SESN3: variants seen among roughly 807,000 people sequenced by gnomAD.
SESN3 encodes the protein sestrin 3.
Under a neutral mutation model 55.3 loss-of-function variants are expected in SESN3, and 21 were observed. That is an observed-to-expected ratio of 0.38 (90% CI 0.27 to 0.55). SESN3 has a LOEUF of 0.55. SESN3 is among the 20% of genes least tolerant of loss of function. The pLI is 0.76. For missense variants in SESN3, 408 were observed against 604.3 expected (o/e 0.68, Z 3.41); for synonymous variants, 181 against 203.1 (o/e 0.89, Z 0.93).
chr11:95,216,443 AC>A (rs982365096), intron 1 of SESN3, among the ~76,000 whole-genome samples: 6 of 152,252 alleles, frequency 3.9e-5, no homozygotes, highest in Non-Finnish European at 8.8e-5. Flanking sequence ...TGCAAAATTT[AC>A]TAAATATACA....
chr11:95,174,180 A>G (rs1349755464), intron 9 of SESN3, among the ~76,000 whole-genome samples: 1 of 152,218 alleles, frequency 6.6e-6, no homozygotes, highest in Non-Finnish European at 1.5e-5. Context: ...TACTGAAGCC[A>G]TAACATTCTC....
At chr11:95,211,603 C>A (rs879047749) in intron 1 of SESN3, among the ~76,000 whole-genome samples, 4 of 150,480 alleles carry the variant, frequency 2.7e-5, no homozygotes, top group Non-Finnish European at 4.4e-5. Flanking sequence ...CCATCTCTAC[C>A]AAAAAAAAAT....
At chr11:95,225,870 T>C (rs1421227204) in intron 1 of SESN3, among the ~76,000 whole-genome samples, 1 of 152,188 alleles carries the variant, frequency 6.6e-6, no homozygotes, top group East Asian at 1.9e-4. Flanking sequence ...CAATTTTCCT[T>C]AACTCTTAGT....
At chr11:95,223,444 C>T (rs1860895235) in intron 1 of SESN3, among the ~76,000 whole-genome samples, 1 of 152,174 alleles carries the variant, frequency 6.6e-6, no homozygotes, top group Admixed American at 6.5e-5. Context: ...TTTGACCTTT[C>T]TTCAGCTGTT....
chr11:95,185,306 C>T lies in SESN3; in HGVS notation c.712G>A (p.Ala238Thr). The part of the protein sequence containing the change: ...SVNNFCVCDL[A>T]NDNNIENASL... ...GCATTCTCTATGTTGTTGTCATTAGCAAGATCACAAACGCAGAAATTGTTG... is the reference window on the plus strand; with the variant it reads ...GCATTCTCTATGTTGTTGTCATTAGTAAGATCACAAACGCAGAAATTGTTG... The change falls in exon 5 of 10, where the codon GCT becomes ACT. Residue 238 changes from alanine (A) to threonine (T), a missense_variant. Physicochemically the swap from Ala to Thr is moderately conservative, Grantham distance 58. Transcript: ENST00000536441. 6.2e-7 allele frequency: 1 copy of T among 1,613,042 alleles called. No homozygotes were observed. The highest frequency in any genetic ancestry group is 1.1e-5 in the South Asian group (1 of 91,038).
intron 8 of SESN3, among the ~76,000 whole-genome samples, chr11:95,177,360 A>T (rs1349357553): frequency 6.6e-6 from 1 of 152,200 alleles, no homozygotes; most frequent in Non-Finnish European, 1.5e-5. Flanking sequence ...CAAACTAACT[A>T]AACAAACCAG....
Position 95,171,916 on chromosome 11 carries a change from C to T in SESN3, c.*1339G>A, listed in dbSNP as rs931567018. ...CAATGCAAAAATGTGACTTTTTGGCCGCTTATTCCTCCCCTATGACTTAAT... is the reference window on the plus strand; with the variant it reads ...CAATGCAAAAATGTGACTTTTTGGCTGCTTATTCCTCCCCTATGACTTAAT... On this transcript the variant is annotated 3_prime_UTR_variant, in exon 10 of 10. Transcript: ENST00000536441. 6 of 152,038 alleles carry T rather than the reference C, an allele frequency of 3.9e-5. No individual in the cohort carries two copies. Among genetic ancestry groups the T allele is most frequent in the African/African-American group, 9.7e-5 (4 of 41,402 alleles). The allele number at this position is 152,038 out of a possible 1,614,324, so 9.4% of individuals were successfully genotyped here. A position where few individuals can be genotyped will look rare whatever the true frequency, so the allele number is the denominator to read the frequency against.
intron 1 of SESN3, among the ~76,000 whole-genome samples, chr11:95,204,312 A>C (rs1265673264): frequency 6.6e-6 from 1 of 152,192 alleles, no homozygotes; most frequent in Non-Finnish European, 1.5e-5. Context: ...CATTTAAATA[A>C]ATGACAATTA....
chr11:95,230,723 C>A lies in SESN3; in HGVS notation c.78+60G>T. 7.4e-7 allele frequency: 1 copy of A among 1,355,984 alleles called. No homozygotes were observed. The highest frequency in any genetic ancestry group is 1.2e-5 in the South Asian group (1 of 83,234). 84.0% of individuals were successfully genotyped at this position (1,355,984 alleles called of 1,614,324 possible). A position where few individuals can be genotyped will look rare whatever the true frequency, so the allele number is the denominator to read the frequency against. ...CCAGTGCGCGCCCGGGGACGAGCCG[C>A]CCGAGCCCCGGCCGGCAGGAAGCGA... On this transcript the variant is annotated intron_variant, in intron 1 of 9. Transcript: ENST00000536441. The surrounding 1 kb of genome is among the most constrained non-coding windows in gnomAD (Gnocchi z 4.6).
chr11:95,165,571 C>A lies in SESN3; in HGVS notation c.*7684G>T, dbSNP rs553952658. ...TTCAGTTTTGCCAATTTTATTGAAC[C>A]AATAAAATTCCTACTAATAACAATG... On this transcript the variant is annotated 3_prime_UTR_variant, in exon 10 of 10. Coordinates refer to ENST00000536441, the MANE Select transcript of SESN3 (RefSeq NM_144665.4). 4.4e-4 allele frequency: 67 copies of A among 151,988 alleles called. No homozygotes were observed. The highest frequency in any genetic ancestry group is 1.3e-3 in the African/African-American group (53 of 41,454). The allele number at this position is 151,988 out of a possible 1,614,324, so 9.4% of individuals were successfully genotyped here. A position where few individuals can be genotyped will look rare whatever the true frequency, so the allele number is the denominator to read the frequency against.
At chr11:95,217,164 T>C (rs557324261) in intron 1 of SESN3, among the ~76,000 whole-genome samples, 1 of 151,978 alleles carries the variant, frequency 6.6e-6, no homozygotes, top group East Asian at 1.9e-4. Context: ...ATCATGTGAA[T>C]TTGTTTTTTA....
At chr11:95,194,090 TG>T (rs1400572750) in intron 1 of SESN3, among the ~76,000 whole-genome samples, 2 of 152,244 alleles carry the variant, frequency 1.3e-5, no homozygotes, top group Non-Finnish European at 2.9e-5. Flanking sequence ...GCTATTCTAT[TG>T]GTGGTATTAA....
At chr11:95,223,230 A>G (rs1860890637) in intron 1 of SESN3, among the ~76,000 whole-genome samples, 1 of 151,246 alleles carries the variant, frequency 6.6e-6, no homozygotes, top group African/African-American at 2.4e-5. Flanking sequence ...TTTATTTAGG[A>G]ACTCCCACAT....
chr11:95,171,105 G>A lies in SESN3; in HGVS notation c.*2150C>T, dbSNP rs534019225. 7.2e-5 allele frequency: 11 copies of A among 152,042 alleles called. No homozygotes were observed. Among genetic ancestry groups the A allele is most frequent in the African/African-American group, 2.4e-4 (10 of 41,474 alleles). The allele number at this position is 152,042 out of a possible 1,614,324, so 9.4% of individuals were successfully genotyped here. The stretch of plus-strand genomic sequence containing the variant: ...CAGTTCGCCTGCACAAAAATATAGG[G>A]CTATTAATTGAAAGCATCTAGTAAA... On this transcript the variant is annotated 3_prime_UTR_variant, in exon 10 of 10. Transcript: ENST00000536441.
At chr11:95,190,730 T>C (rs1288813015) in intron 3 of SESN3, among the ~76,000 whole-genome samples, 2 of 151,984 alleles carry the variant, frequency 1.3e-5, no homozygotes, top group Non-Finnish European at 2.9e-5. Context: ...GTGGTCAAAC[T>C]TAATCTCCTA....
rs1256761814 is a variant in SESN3, at chr11:95,172,046, G to T, written c.*1209C>A. ...TCCCAGAAAGGTAAAACTGAAAAAA[G>T]CCTGTGCAATAAAGAAATTTGAAAA... On this transcript the variant is annotated 3_prime_UTR_variant, in exon 10 of 10. Coordinates refer to ENST00000536441, the MANE Select transcript of SESN3 (RefSeq NM_144665.4). 1 of 152,056 alleles carries T rather than the reference G, an allele frequency of 6.6e-6. No individual in the cohort carries two copies. The highest frequency in any genetic ancestry group is 6.6e-5 in the Admixed American group (1 of 15,246). 9.4% of individuals were successfully genotyped at this position (152,056 alleles called of 1,614,324 possible).
intron 1 of SESN3, among the ~76,000 whole-genome samples, chr11:95,195,209 T>C (rs556870789): frequency 6.6e-6 from 1 of 152,300 alleles, no homozygotes; most frequent in Non-Finnish European, 1.5e-5. Flanking sequence ...AATTTGTTGA[T>C]AAAAATCACA....
At chr11:95,190,003 G>A (rs1284935757) in intron 3 of SESN3, 42 bp from the exon 4 acceptor site, 1 of 1,436,312 alleles carries the variant, frequency 7.0e-7, no homozygotes, top group East Asian at 2.3e-5. Flanking sequence ...AAGAATCACA[G>A]TAGAGTTTCT....
Position 95,173,118 on chromosome 11 carries a change from C to CAACA in SESN3, c.*136_*137insTGTT. ...CATTGCACATTACAGCCGCAAAAAA[C>CAACA]AAAAAAAAAAAAACAAACGGCTAAA... On this transcript the variant is annotated 3_prime_UTR_variant, in exon 10 of 10. Coordinates refer to ENST00000536441, the MANE Select transcript of SESN3 (RefSeq NM_144665.4). The CAACA allele has an allele frequency of 1.2e-5, 5 of 417,048 alleles. No individual in the cohort carries two copies. Among genetic ancestry groups the CAACA allele is most frequent in the Admixed American group, 3.6e-5 (1 of 27,412 alleles). 25.8% of individuals were successfully genotyped at this position (417,048 alleles called of 1,614,324 possible).
Sources: allele counts gnomAD v4.1 joint callset (sites outside exome capture counted in the v4.1 genomes callset), GRCh38; gene constraint gnomAD v4.1.1; non-coding constraint Gnocchi (gnomAD v3.1); transcripts MANE v1.5; gene names NCBI Gene and HGNC (gene_info 2026-07-23, HGNC 2026-07-21).